The following ZFAT variants were observed in gnomAD, a reference collection of about 807,000 sequenced individuals.
ZFAT encodes the protein zinc finger protein ZFAT.
Under a neutral mutation model 117.7 loss-of-function variants are expected in ZFAT, and 64 were observed. That is an observed-to-expected ratio of 0.54 (90% CI 0.44 to 0.67). ZFAT has a LOEUF of 0.67. Ranked by LOEUF, ZFAT falls within the 30% of genes least tolerant of loss-of-function variation. ZFAT has a pLI of 0.00. For synonymous variants in ZFAT, 679 were observed against 615.0 expected, an observed-to-expected ratio of 1.10 and a Z score of -1.54; for missense variants, 1,433 against 1,584.5, an observed-to-expected ratio of 0.90 and a Z score of 1.62.
the ZFAT span, among the ~76,000 whole-genome samples, chr8:134,721,670 C>G: frequency 6.6e-6 from 1 of 152,208 alleles, no homozygotes; most frequent in Non-Finnish European, 1.5e-5. Context: ...AAAACTCAGA[C>G]CAAATGTCCT....
At chr8:134,549,636 C>T (rs1407145066) in intron 11 of ZFAT, among the ~76,000 whole-genome samples, 4 of 152,132 alleles carry the variant, frequency 2.6e-5, no homozygotes, top group Admixed American at 2.0e-4. Context: ...AAAAAAAATG[C>T]ATATTCATAA....
the ZFAT span, among the ~76,000 whole-genome samples, chr8:134,733,306 G>T: frequency 6.6e-6 from 1 of 152,118 alleles, no homozygotes; most frequent in South Asian, 2.1e-4. Context: ...AGTCCTCCAC[G>T]GCCAAAATGA....
At chr8:134,591,357 C>T (rs1210323304) in intron 7 of ZFAT, among the ~76,000 whole-genome samples, 1 of 152,256 alleles carries the variant, frequency 6.6e-6, no homozygotes. Flanking sequence ...GTTGTTCATC[C>T]TGCATTGCTG....
chr8:134,805,646 T>C, the ZFAT span, among the ~76,000 whole-genome samples: 1 of 152,198 alleles, frequency 6.6e-6, no homozygotes, highest in African/African-American at 2.4e-5. Flanking sequence ...TAAATCTGCA[T>C]TCCATCAAAA....
At chr8:134,764,996 T>C in the ZFAT span, 1 of 152,164 alleles carries the variant, frequency 6.6e-6, no homozygotes, top group Non-Finnish European at 1.5e-5. Context: ...AGCCTGTGAT[T>C]TGGGTATGCA....
At chr8:134,761,869 C>T in the ZFAT span, among the ~76,000 whole-genome samples, 1 of 152,062 alleles carries the variant, frequency 6.6e-6, no homozygotes, top group African/African-American at 2.4e-5. Context: ...CACTTCAGGT[C>T]GCAGGTTGGC....
At chr8:134,703,617 C>A (rs1834072521) in intron 1 of ZFAT, among the ~76,000 whole-genome samples, 2 of 152,346 alleles carry the variant, frequency 1.3e-5, no homozygotes, top group African/African-American at 4.8e-5. Context: ...CCAGCCTGAG[C>A]TTCTGTATCC....
intron 11 of ZFAT, among the ~76,000 whole-genome samples, chr8:134,555,804 A>G (rs1216245186): frequency 6.8e-6 from 1 of 147,004 alleles, no homozygotes; most frequent in Admixed American, 6.9e-5. Flanking sequence ...CAAATACGTT[A>G]AAAGCTCTAG....
the ZFAT span, chr8:134,783,895 T>G: frequency 1.4e-4 from 21 of 152,348 alleles, no homozygotes; most frequent in African/African-American, 5.1e-4. Flanking sequence ...AAGCTGAGAC[T>G]TGGTGTCCAA....
rs1375106488 is a variant in ZFAT at position 134,601,597 on chromosome 8, G to A, written c.2122C>T (p.His708Tyr). 1 of 1,614,250 alleles carries A rather than the reference G, an allele frequency of 6.2e-7. No individual in the cohort carries two copies. The highest frequency in any genetic ancestry group is 1.7e-5 in the Admixed American group (1 of 60,030). The change falls in exon 6 of 16, where the codon CAC (histidine) becomes TAC (tyrosine). Residue 708 changes from histidine to tyrosine, a missense_variant. Coordinates refer to ENST00000377838, the MANE Select transcript of ZFAT (RefSeq NM_020863.4). ...ATGAAAGCGGTGATGCCTGACCGGT[G>A]CTCAGGGGCAGCTTTGCAAGAGTCA... ...QPDSCKAAPE[H>Y]RSGITAFMKV...
chr8:134,795,132 T>A, the ZFAT span: 5 of 152,212 alleles, frequency 3.3e-5, no homozygotes, highest in Non-Finnish European at 7.3e-5. Flanking sequence ...TTGCTCTTCA[T>A]CTCCATTTCC....
At chr8:134,749,902 T>C in the ZFAT span, among the ~76,000 whole-genome samples, 1 of 152,214 alleles carries the variant, frequency 6.6e-6, no homozygotes, top group Non-Finnish European at 1.5e-5. Context: ...AATCTTTGCA[T>C]AAATACCACA....
chr8:134,622,098 G>C (rs575398533), intron 3 of ZFAT, among the ~76,000 whole-genome samples: 1 of 152,210 alleles, frequency 6.6e-6, no homozygotes, highest in Non-Finnish European at 1.5e-5. Context: ...ATGCCAGTCT[G>C]TCGACTTCAC....
chr8:134,753,423 G>A, the ZFAT span, among the ~76,000 whole-genome samples: 1 of 152,176 alleles, frequency 6.6e-6, no homozygotes, highest in Non-Finnish European at 1.5e-5. Flanking sequence ...TGAGGAAACA[G>A]GTTCACTGAC....
the ZFAT span, among the ~76,000 whole-genome samples, chr8:134,811,806 G>A: frequency 6.6e-6 from 1 of 152,148 alleles, no homozygotes; most frequent in African/African-American, 2.4e-5. Context: ...ATTTGACTTT[G>A]TGAGTTTGAA....
the ZFAT span, among the ~76,000 whole-genome samples, chr8:134,825,844 C>A: frequency 1.3e-5 from 2 of 152,012 alleles, no homozygotes; most frequent in African/African-American, 4.8e-5. Context: ...CATGGCGAAA[C>A]CCCTTCTCTA....
At chr8:134,522,061 A>G (rs1359034674) in intron 12 of ZFAT, among the ~76,000 whole-genome samples, 2 of 152,230 alleles carry the variant, frequency 1.3e-5, no homozygotes, top group Non-Finnish European at 2.9e-5. Flanking sequence ...TCTGGCCAAC[A>G]AAATCCCCAA....
the ZFAT span, among the ~76,000 whole-genome samples, chr8:134,755,248 CAAAA>C: frequency 4.4e-5 from 5 of 114,438 alleles, no homozygotes; most frequent in Non-Finnish European, 3.7e-5. Flanking sequence ...TACTAAAATA[CAAAA>C]AAAAAAAAAA....
At chr8:134,701,980 G>A (rs1342196248) in intron 1 of ZFAT, among the ~76,000 whole-genome samples, 1 of 152,170 alleles carries the variant, frequency 6.6e-6, no homozygotes, top group Non-Finnish European at 1.5e-5. Context: ...AAGAGTTAAT[G>A]GATTAATGGG....
Sources: gnomAD v4.1 joint callset for allele counts (sites outside exome capture counted in the v4.1 genomes callset) on GRCh38, gnomAD v4.1.1 for gene constraint, MANE v1.5 for transcripts, NCBI Gene and HGNC (gene_info 2026-07-23, HGNC 2026-07-21) for gene names.